EIF4ENIF1: variants seen among roughly 807,000 people sequenced by gnomAD.
EIF4ENIF1 encodes eukaryotic translation initiation factor 4E nuclear import factor 1, also known as eukaryotic translation initiation factor 4E transporter.
EIF4ENIF1 carries 23 observed loss-of-function variants against 110.5 expected under a neutral mutation model. The observed-to-expected ratio is 0.21, with a 90% CI of 0.15 to 0.29. EIF4ENIF1 has a LOEUF of 0.29. Ranked by LOEUF, EIF4ENIF1 falls within the 10% of genes least tolerant of loss-of-function variation. The pLI, the probability that EIF4ENIF1 is intolerant of heterozygous loss-of-function variation, is 1.00. For synonymous variants in EIF4ENIF1, 440 were observed against 437.0 expected (o/e 1.01, Z -0.09); for missense variants, 1,031 against 1,221.1 (o/e 0.84, Z 2.32).
Position 31,439,766 on chromosome 22 carries a change from C to T in EIF4ENIF1, c.*114G>A. ...CACCAGATGCATGGGTTCCACCAAA[C>T]AGCTTCACACAGAGTGCTCCAAAGT... On this transcript the variant is annotated 3_prime_UTR_variant, in exon 19 of 19. Coordinates refer to ENST00000330125, the MANE Select transcript of EIF4ENIF1 (RefSeq NM_019843.4). 1.4e-6 allele frequency: 2 copies of T among 1,453,102 alleles called. No individual in the cohort carries two copies. Among genetic ancestry groups the T allele is most frequent in the East Asian group, 4.7e-5 (2 of 42,698 alleles). The allele number at this position is 1,453,102 out of a possible 1,614,324, so 90.0% of individuals were successfully genotyped here.
Position 31,468,098 on chromosome 22 carries a change from G to A in EIF4ENIF1, c.298+77C>T, listed in dbSNP as rs569207254. ...TTCCCCTCAAAGCATAAAATTCTCAGAGCTAAGAATGAAACCAGCAGGCAA... is the reference window on the plus strand; with the variant it reads ...TTCCCCTCAAAGCATAAAATTCTCAAAGCTAAGAATGAAACCAGCAGGCAA... On this transcript the variant is annotated intron_variant, in intron 4 of 18. Transcript: ENST00000330125. The A allele has an allele frequency of 5.1e-6, 8 of 1,555,626 alleles. No homozygotes were observed. In the East Asian group the frequency reaches 1.8e-4, roughly 35 times the overall value.
chr22:31,443,281 C>T, intron 15 of EIF4ENIF1, 187 bp from the exon 16 acceptor site: 1 of 729,986 alleles, frequency 1.4e-6, no homozygotes. Context: ...GTCCCAAGTA[C>T]ATTATCCCTT....
chr22:31,472,014 A>G (rs2051398080), intron 2 of EIF4ENIF1, 97 bp from the exon 3 acceptor site: 5 of 907,130 alleles, frequency 5.5e-6, no homozygotes, highest in Non-Finnish European at 8.3e-6. Flanking sequence ...CATCTTAAAC[A>G]CTTCACACAA....
chr22:31,440,218 G>A (rs2050249654), intron 18 of EIF4ENIF1, 97 bp from the exon 19 acceptor site: 1 of 1,565,718 alleles, frequency 6.4e-7, no homozygotes, highest in Admixed American at 1.8e-5. Flanking sequence ...GTCTTTACTA[G>A]AGGATTTTTT....
Position 31,454,232 on chromosome 22 carries a change from A to T in EIF4ENIF1, c.1424T>A (p.Leu475Gln). ...CGCAGTCATGTCTCCGTCTTTCTTC[A>T]GTTGTCGATTGTTGGTTACGGCACT... ...TLSAVTNNRQ[L>Q]KKDGDMTAFN... Residue 475 changes from leucine to glutamine, a missense_variant, in exon 10 of 19, where the codon CTG becomes CAG. This residue lies in a region of EIF4ENIF1 where 704 missense variants were observed against 879.7 expected (regional missense o/e 0.80). Transcript: ENST00000330125. 6.2e-7 allele frequency: 1 copy of T among 1,614,038 alleles called. No individual in the cohort carries two copies. Among genetic ancestry groups the T allele is most frequent in the Non-Finnish European group, 8.5e-7 (1 of 1,180,012 alleles).
At chr22:31,452,692 T>C (rs991529323) in intron 10 of EIF4ENIF1, among the ~76,000 whole-genome samples, 1 of 152,116 alleles carries the variant, frequency 6.6e-6, no homozygotes. Flanking sequence ...GAAAGGAAAA[T>C]AGGATAGTCT....
chr22:31,449,449 G>C lies in EIF4ENIF1; in HGVS notation c.1667C>G (p.Ser556Cys), dbSNP rs2050580630. Residue 556 changes from serine (S) to cysteine (C), a missense_variant, in exon 12 of 19, where the codon TCT becomes TGT. Around this residue, in one of 3 missense-constraint regions of EIF4ENIF1, gnomAD observed 704 missense variants for 879.7 expected, o/e 0.80. Transcript: ENST00000330125. ...GLMGSLEPTT[S>C]LLGQRAPSPP... ...AGAGGGTGCTCTTTGGCCCAGTAAA[G>C]ATGTTGTAGGCTCCAAGCTCCCCAT... The C allele has an allele frequency of 6.2e-7, 1 of 1,614,046 alleles. No individual in the cohort carries two copies. Among genetic ancestry groups the C allele is most frequent in the Non-Finnish European group, 8.5e-7 (1 of 1,180,030 alleles).
Position 31,444,624 on chromosome 22 carries a change from A to G in EIF4ENIF1, c.2055T>C (p.Ala685=). 7 of 1,614,158 alleles carry G rather than the reference A, an allele frequency of 4.3e-6. No homozygotes were observed. Among genetic ancestry groups the G allele is most frequent in the Non-Finnish European group, 5.9e-6 (7 of 1,180,004 alleles). Residue 685 remains alanine (A), a synonymous_variant, in exon 15 of 19, where the codon GCT becomes GCC. Transcript: ENST00000330125. ...HRGNSSSPAP[A]ASITSMLSPS... ...CACTGACCATGCTTGTGATGGAGGC[A>G]GCAGGGGCAGGGGAAGAGGAATTCC...
At chr22:31,441,233 A>G (rs1186264750) in intron 17 of EIF4ENIF1, among the ~76,000 whole-genome samples, 2 of 151,804 alleles carry the variant, frequency 1.3e-5, no homozygotes, top group Non-Finnish European at 2.9e-5. Flanking sequence ...AGCCTGGGCG[A>G]CAGAGCGAGA....
At chr22:31,458,676 C>T (rs757998751) in intron 6 of EIF4ENIF1, 26 bp from the exon 7 acceptor site, 11 of 1,549,538 alleles carry the variant, frequency 7.1e-6, no homozygotes, top group East Asian at 4.6e-5. Flanking sequence ...GGACAAAAAC[C>T]GTCTGATAAG....
Position 31,442,007 on chromosome 22 carries a change from T to C in EIF4ENIF1, c.2318A>G (p.Gln773Arg). The C allele has an allele frequency of 1.9e-6, 3 of 1,614,180 alleles. No homozygotes were observed. Among genetic ancestry groups the C allele is most frequent in the Non-Finnish European group, 2.5e-6 (3 of 1,180,036 alleles). Residue 773 changes from glutamine to arginine, a missense_variant, in exon 17 of 19, where the codon CAG (glutamine) becomes CGG (arginine). By Grantham distance (43) the Gln-to-Arg change is conservative. Around this residue, in one of 3 missense-constraint regions of EIF4ENIF1, gnomAD observed 309 missense variants for 299.1 expected, o/e 1.03. Transcript: ENST00000330125. ...QRSSCSTPLS[Q>R]ANRYTKEQDY... ...TTGTTCTTTGGTGTAACGGTTGGCC[T>C]GGGACAGTGGGGTGGAACACGAAGA...
intron 2 of EIF4ENIF1, among the ~76,000 whole-genome samples, chr22:31,477,478 T>C (rs948744387): frequency 1.3e-5 from 2 of 151,442 alleles, no homozygotes; most frequent in African/African-American, 4.9e-5. Context: ...AATCACAGAG[T>C]GATAAACACC....
At chr22:31,456,466 G>T (rs997818573) in intron 7 of EIF4ENIF1, among the ~76,000 whole-genome samples, 2 of 151,612 alleles carry the variant, frequency 1.3e-5, no homozygotes, top group African/African-American at 2.4e-5. Flanking sequence ...CTTGTGATCC[G>T]CCCGCCTTGG....
chr22:31,480,286 T>C (rs556955583), intron 2 of EIF4ENIF1, among the ~76,000 whole-genome samples: 1 of 152,306 alleles, frequency 6.6e-6, no homozygotes, highest in Admixed American at 6.5e-5. Context: ...CTTTTGGTGA[T>C]CACTATTAAA....
At chr22:31,437,466 C>T (rs2050189231), downstream of EIF4ENIF1, 1 of 137,474 alleles carries the variant, frequency 7.3e-6, no homozygotes, top group African/African-American at 2.7e-5. Context: ...CCCCACCCTC[C>T]CGCTTCCTCT....
At chr22:31,455,401 T>C (rs544932546) in intron 8 of EIF4ENIF1, 86 bp from the exon 9 acceptor site, 1 of 1,179,764 alleles carries the variant, frequency 8.5e-7, no homozygotes, top group Non-Finnish European at 1.1e-6. Context: ...CTTTCTTTTT[T>C]TTTTTTTTTT....
At position 31,442,969 on chromosome 22, in the gene EIF4ENIF1, G is replaced by T; in HGVS notation, c.2199C>A (p.Ala733=). 1 of 1,613,920 alleles carries T rather than the reference G, an allele frequency of 6.2e-7. No homozygotes were observed. Among genetic ancestry groups the T allele is most frequent in the Non-Finnish European group, 8.5e-7 (1 of 1,179,890 alleles). The change falls in exon 16 of 19, where the codon GCC becomes GCA. Residue 733 remains alanine, a synonymous_variant. Coordinates refer to ENST00000330125, the MANE Select transcript of EIF4ENIF1 (RefSeq NM_019843.4). ...LGDSKEDTQK[A]SEENLLSSSS... ...TTAACAGCTCTGCAGTACCTTCACT[G>T]GCCTTCTGAGTATCCTCTTTACTGT...
At chr22:31,477,390 A>AAAAAAAAAAG (rs1381135932) in intron 2 of EIF4ENIF1, among the ~76,000 whole-genome samples, 2 of 133,654 alleles carry the variant, frequency 1.5e-5, no homozygotes. Context: ...AAAACAAAAA[A>AAAAAAAAAAG]AGAGAATTTG....
chr22:31,484,772 C>T (rs1172989829), intron 2 of EIF4ENIF1, among the ~76,000 whole-genome samples: 2 of 151,680 alleles, frequency 1.3e-5, no homozygotes, highest in Non-Finnish European at 2.9e-5. Context: ...GCGGAGGTTG[C>T]GGTGAGCGGA....
Sources: gnomAD v4.1 joint callset for allele counts (sites outside exome capture counted in the v4.1 genomes callset) on GRCh38, gnomAD v4.1.1 for gene constraint, gnomAD v4.1.1 regional missense constraint, MANE v1.5 for transcripts, NCBI Gene and HGNC (gene_info 2026-07-23, HGNC 2026-07-21) for gene names.